ACTN4: variants seen among roughly 807,000 people sequenced by gnomAD.
The protein encoded by ACTN4 is actinin alpha 4.
ACTN4 carries 18 observed loss-of-function variants against 114.2 expected under a neutral mutation model. The ratio of observed to expected loss-of-function variants is 0.16; its 90% confidence interval spans 0.11 to 0.23. ACTN4 has a LOEUF of 0.23. ACTN4 is among the 10% of genes least tolerant of loss of function. ACTN4 has a pLI of 1.00. For synonymous variants in ACTN4, 515 were observed against 506.3 expected (o/e 1.02, Z -0.23); for missense variants, 722 against 1,262.9 (o/e 0.57, Z 6.49).
Position 38,730,525 on chromosome 19 carries a change from A to T in ACTN4, c.*1093A>T, listed in dbSNP as rs1490083971. 14 of 402,986 alleles carry T rather than the reference A, an allele frequency of 3.5e-5. No homozygotes were observed. The highest frequency in any genetic ancestry group is 3.6e-5 in the Non-Finnish European group (8 of 221,432). 25.0% of individuals were successfully genotyped at this position (402,986 alleles called of 1,614,324 possible). A position where few individuals can be genotyped will look rare whatever the true frequency, so the allele number is the denominator to read the frequency against. On this transcript the variant is annotated 3_prime_UTR_variant, in exon 21 of 21. Coordinates refer to ENST00000252699, the MANE Select transcript of ACTN4 (RefSeq NM_004924.6). ...GATAATAAAACATGTAATATTTTTA[A>T]GAAGGATTCCTGCAGCATCATCTTT...
At chr19:38,658,574 C>T (rs889557022) in intron 1 of ACTN4, among the ~76,000 whole-genome samples, 1 of 152,308 alleles carries the variant, frequency 6.6e-6, no homozygotes, top group Admixed American at 6.5e-5. Context: ...GCTTCTTTGG[C>T]TGTTACTGGT....
chr19:38,729,529 C>G lies in ACTN4; in HGVS notation c.*97C>G. 1.3e-6 allele frequency: 1 copy of G among 754,498 alleles called. No individual in the cohort carries two copies. Among genetic ancestry groups the G allele is most frequent in the Non-Finnish European group, 2.0e-6 (1 of 505,098 alleles). 46.7% of individuals were successfully genotyped at this position (754,498 alleles called of 1,614,324 possible). A position where few individuals can be genotyped will look rare whatever the true frequency, so the allele number is the denominator to read the frequency against. ...CTCCACTCTGTATCTATGCAAAGCA[C>G]TCTCTGCAGTCCTCCGGGGTGGGTG... On this transcript the variant is annotated 3_prime_UTR_variant, in exon 21 of 21. Transcript: ENST00000252699.
chr19:38,691,409 AAAAAACAAAAAAAAC>A (rs1228109039), intron 1 of ACTN4, among the ~76,000 whole-genome samples: 4 of 148,638 alleles, frequency 2.7e-5, no homozygotes, highest in African/African-American at 9.8e-5. Flanking sequence ...CTCAAAAAAA[AAAAAACAAAAAAAAC>A]AAAAAAAAAA....
At chr19:38,696,765 G>C (rs140194105) in intron 1 of ACTN4, among the ~76,000 whole-genome samples, 1 of 152,282 alleles carries the variant, frequency 6.6e-6, no homozygotes, top group Middle Eastern at 3.4e-3. Flanking sequence ...CATCAGTGGG[G>C]TTCCCCAAGC....
At chr19:38,704,156 T>C (rs1968376466) in intron 3 of ACTN4, among the ~76,000 whole-genome samples, 4 of 152,132 alleles carry the variant, frequency 2.6e-5, no homozygotes, top group Admixed American at 2.0e-4. Flanking sequence ...ACAAAAAGTT[T>C]AAAAACTAGC....
At position 38,673,456 on chromosome 19, in the gene ACTN4, C is replaced by A. The variant is rs372399163; in HGVS notation, c.162+25549C>A. ...GTTTTATTTTTTATATATATATATTCATATATATTTATATATATTTATATA... is the reference window on the plus strand; with the variant it reads ...GTTTTATTTTTTATATATATATATTAATATATATTTATATATATTTATATA... On this transcript the variant is annotated intron_variant, in intron 1 of 20. Coordinates refer to ENST00000252699, the MANE Select transcript of ACTN4 (RefSeq NM_004924.6). Among the ~76,000 whole-genome samples, 53 of 71,762 alleles carry A rather than the reference C, an allele frequency of 7.4e-4. 2 individuals carry two copies. Among genetic ancestry groups the A allele is most frequent in the African/African-American group, 2.5e-3 (52 of 20,616 alleles). 47.1% of individuals were successfully genotyped at this position (71,762 alleles called of 152,430 possible). A position where few individuals can be genotyped will look rare whatever the true frequency, so the allele number is the denominator to read the frequency against.
intron 1 of ACTN4, among the ~76,000 whole-genome samples, chr19:38,649,998 A>T (rs1976512975): frequency 6.6e-6 from 1 of 152,050 alleles, no homozygotes; most frequent in Admixed American, 6.6e-5. Context: ...TTTTGAGGGG[A>T]AGGTGAGATC....
intron 8 of ACTN4, among the ~76,000 whole-genome samples, chr19:38,713,207 G>A (rs368055529): frequency 2.0e-5 from 3 of 152,206 alleles, no homozygotes; most frequent in East Asian, 1.9e-4. Context: ...TCACCGAAGC[G>A]TTCCCGCCTC....
At chr19:38,701,175 C>T in intron 3 of ACTN4, 54 bp downstream of exon 3, 2 of 1,610,436 alleles carry the variant, frequency 1.2e-6, no homozygotes, top group Non-Finnish European at 1.7e-6. Context: ...CCTTTAGGCT[C>T]TGAAGCACAA....
intron 1 of ACTN4, among the ~76,000 whole-genome samples, chr19:38,663,092 G>A (rs1263102077): frequency 6.6e-6 from 1 of 152,064 alleles, no homozygotes; most frequent in Non-Finnish European, 1.5e-5. Context: ...TGTATTTTTA[G>A]TAGAGACGGG....
At chr19:38,689,465 G>T (rs1199004788) in intron 1 of ACTN4, among the ~76,000 whole-genome samples, 1 of 152,058 alleles carries the variant, frequency 6.6e-6, no homozygotes, top group Non-Finnish European at 1.5e-5. Context: ...CCAGTTTTGC[G>T]GTGGTAGACA....
At chr19:38,719,323 A>T (rs1968956205) in intron 11 of ACTN4, among the ~76,000 whole-genome samples, 1 of 152,152 alleles carries the variant, frequency 6.6e-6, no homozygotes, top group Non-Finnish European at 1.5e-5. Context: ...CCTTCCTTGC[A>T]TTCCTGAGTG....
At chr19:38,728,877 G>A (rs1599867024) in intron 19 of ACTN4, 119 bp from the exon 20 acceptor site, 12 of 1,290,382 alleles carry the variant, frequency 9.3e-6, no homozygotes, top group East Asian at 7.1e-5. Flanking sequence ...CAGGGCGCAC[G>A]CACACGTGGG....
chr19:38,702,803 G>C (rs577591500), intron 3 of ACTN4, among the ~76,000 whole-genome samples: 4 of 152,262 alleles, frequency 2.6e-5, no homozygotes, highest in Admixed American at 2.6e-4. Flanking sequence ...CCTTCCTCTG[G>C]GTGTGTCCCC....
chr19:38,657,696 A>C (rs1976753061), intron 1 of ACTN4, among the ~76,000 whole-genome samples: 1 of 151,646 alleles, frequency 6.6e-6, no homozygotes, highest in Admixed American at 6.6e-5. Flanking sequence ...GGCCAGTTTG[A>C]GGTTAGGAGA....
intron 3 of ACTN4, among the ~76,000 whole-genome samples, chr19:38,703,446 C>T (rs548124492): frequency 6.6e-5 from 10 of 152,166 alleles, no homozygotes; most frequent in African/African-American, 1.2e-4. Context: ...CCATCTTGGC[C>T]GGGCTGGTCT....
At chr19:38,672,296 A>G (rs1967153956) in intron 1 of ACTN4, among the ~76,000 whole-genome samples, 1 of 141,982 alleles carries the variant, frequency 7.0e-6, no homozygotes, top group Admixed American at 7.6e-5. Flanking sequence ...GCTGGAGTAC[A>G]GTGGCGTGAT....
chr19:38,729,138 T>C lies in ACTN4; in HGVS notation c.2561T>C (p.Val854Ala). The C allele has an allele frequency of 6.2e-7, 1 of 1,612,308 alleles. No individual in the cohort carries two copies. The highest frequency in any genetic ancestry group is 8.5e-7 in the Non-Finnish European group (1 of 1,179,816). The change falls in exon 20 of 21, where the codon GTC (valine) becomes GCC (alanine). Residue 854 changes from valine to alanine, a missense_variant. By Grantham distance (64) the Val-to-Ala change is moderately conservative. This residue lies in a region of ACTN4 where 523 missense variants were observed against 875.9 expected (regional missense o/e 0.60). Coordinates refer to ENST00000252699, the MANE Select transcript of ACTN4 (RefSeq NM_004924.6). ...GACCAGGTCATCGCTTCCTTCAAGG[T>C]CTTAGCAGGGGACAAGGTGAGCGAG... Reference protein sequence around the residue: ...TADQVIASFKVLAGDKNFITA... With the variant: ...TADQVIASFKALAGDKNFITA...
At chr19:38,673,766 T>C (rs1168369453) in intron 1 of ACTN4, among the ~76,000 whole-genome samples, 3 of 123,770 alleles carry the variant, frequency 2.4e-5, no homozygotes, top group East Asian at 4.3e-4. Context: ...TTTATATATA[T>C]ATATTTATAT....
Sources: gnomAD v4.1 joint callset for allele counts (sites outside exome capture counted in the v4.1 genomes callset) on GRCh38, gnomAD v4.1.1 for gene constraint, gnomAD v4.1.1 regional missense constraint, MANE v1.5 for transcripts, NCBI Gene and HGNC (gene_info 2026-07-23, HGNC 2026-07-21) for gene names.